The following HACE1 variants were observed in gnomAD, a reference collection of about 807,000 sequenced individuals.
The protein encoded by HACE1 is HECT domain and ankyrin repeat containing E3 ubiquitin protein ligase 1.
In HACE1, 73 loss-of-function variants were observed where a neutral mutation model predicts 118.4. The ratio of observed to expected loss-of-function variants is 0.62; its 90% CI spans 0.51 to 0.75. The LOEUF (loss-of-function observed/expected upper bound fraction) is 0.75. Ranked by LOEUF, HACE1 falls within the 30% of genes least tolerant of loss-of-function variation. HACE1 has a pLI of 0.00. For synonymous variants in HACE1, 368 were observed against 374.8 expected, an observed-to-expected ratio of 0.98 and a Z score of 0.21; for missense variants, 749 against 1,102.2, an observed-to-expected ratio of 0.68 and a Z score of 4.54.
chr6:104,816,884 CACGGAGTCA>C (rs565183521), intron 6 of HACE1, among the ~76,000 whole-genome samples: 2 of 152,316 alleles, frequency 1.3e-5, no homozygotes, highest in East Asian at 3.9e-4. Flanking sequence ...GGATATGAGA[CACGGAGTCA>C]ACGGAAATTA....
chr6:104,806,874 T>C (rs1341964316), intron 7 of HACE1, among the ~76,000 whole-genome samples: 1 of 152,166 alleles, frequency 6.6e-6, no homozygotes, highest in African/African-American at 2.4e-5. Context: ...CTTTGGACTC[T>C]TTCATCCTTA....
chr6:104,769,475 C>T (rs1264026600), intron 19 of HACE1, among the ~76,000 whole-genome samples: 1 of 152,028 alleles, frequency 6.6e-6, no homozygotes, highest in African/African-American at 2.4e-5. Context: ...TGAGGGTAGG[C>T]CTCCAGTGTA....
intron 14 of HACE1, among the ~76,000 whole-genome samples, chr6:104,779,126 G>A (rs1465019705): frequency 6.6e-6 from 1 of 152,166 alleles, no homozygotes; most frequent in Non-Finnish European, 1.5e-5. Context: ...AGAAGTTTAT[G>A]ATCACAAGTC....
chr6:104,791,292 A>T (rs1028548724), intron 11 of HACE1, among the ~76,000 whole-genome samples: 3 of 152,222 alleles, frequency 2.0e-5, no homozygotes, highest in African/African-American at 7.2e-5. Context: ...TGGAATAAAA[A>T]ATTTTATTTG....
chr6:104,823,774 T>C (rs1582652801), intron 6 of HACE1, among the ~76,000 whole-genome samples: 1 of 148,928 alleles, frequency 6.7e-6, no homozygotes, highest in South Asian at 2.1e-4. Context: ...AAAAAAAAGA[T>C]GTTTGCTGGC....
intron 22 of HACE1, among the ~76,000 whole-genome samples, chr6:104,732,710 C>A (rs1391946810): frequency 6.6e-6 from 1 of 152,094 alleles, no homozygotes; most frequent in Non-Finnish European, 1.5e-5. Context: ...TGCATTTACA[C>A]ACACACACAA....
chr6:104,741,714 T>C (rs534744106), intron 22 of HACE1, among the ~76,000 whole-genome samples: 1 of 149,598 alleles, frequency 6.7e-6, no homozygotes, highest in South Asian at 2.2e-4. Flanking sequence ...AGAATCATTA[T>C]CGTGAAAATG....
At chr6:104,830,813 C>T (rs138376240) in intron 6 of HACE1, among the ~76,000 whole-genome samples, 1,505 of 136,968 alleles carry the variant, frequency 0.011, 9 homozygotes, top group Non-Finnish European at 0.015. Context: ...CTAGCATGAT[C>T]CCACAAACAG....
In HACE1 at chr6:104,785,290, A is replaced by G; in HGVS notation, c.1104T>C (p.Asp368=). 1.2e-6 allele frequency: 2 copies of G among 1,610,472 alleles called. No individual in the cohort carries two copies. The highest frequency in any genetic ancestry group is 1.7e-6 in the Non-Finnish European group (2 of 1,176,924). Residue 368 remains aspartate, a synonymous_variant, in exon 12 of 24, where the codon GAT becomes GAC. Coordinates refer to ENST00000262903, the MANE Select transcript of HACE1 (RefSeq NM_020771.4). ...CTGTGGCTATTAAAACTAGCCATTC[A>G]TCTAACGAGTGCCAAAGCAATTCCA... ...KPLELLWHSL[D]EWLVLIATEL... is the part of the protein sequence containing the mutation.
intron 20 of HACE1, among the ~76,000 whole-genome samples, chr6:104,745,767 T>C (rs986712976): frequency 1.2e-4 from 19 of 152,070 alleles, no homozygotes; most frequent in Non-Finnish European, 2.2e-4. Context: ...GGGATGTAGA[T>C]GCCCTGTGAT....
chr6:104,742,122 A>G (rs984170756), intron 22 of HACE1, among the ~76,000 whole-genome samples: 3 of 134,108 alleles, frequency 2.2e-5, no homozygotes. Flanking sequence ...AGAAAGCTGA[A>G]ACTGGATCTC....
In HACE1 at chr6:104,733,005, C is replaced by A. The variant is rs550083114; in HGVS notation, c.2514-2589G>T. Among the ~76,000 whole-genome samples, 6 of 152,204 alleles carry A rather than the reference C, an allele frequency of 3.9e-5. No homozygotes were observed. In the East Asian group the frequency reaches 1.2e-3, roughly 29 times the overall value. ...ATATATACAGAAGACCTGGCTATAT[C>A]TCCTTGTAAGTTGAAATAAAATTCA... On this transcript the variant is annotated intron_variant, in intron 22 of 23. Transcript: ENST00000262903.
intron 19 of HACE1, among the ~76,000 whole-genome samples, chr6:104,767,497 TTC>T (rs1341727518): frequency 6.6e-6 from 1 of 152,214 alleles, no homozygotes; most frequent in African/African-American, 2.4e-5. Context: ...CAACCCATTT[TTC>T]ACACTCCAAG....
intron 19 of HACE1, among the ~76,000 whole-genome samples, chr6:104,761,538 A>C (rs1363526060): frequency 1.3e-5 from 2 of 152,248 alleles, no homozygotes; most frequent in Non-Finnish European, 2.9e-5. Context: ...ACTTTATACA[A>C]AAATCAACTC....
chr6:104,840,929 C>A (rs916838243), intron 5 of HACE1, among the ~76,000 whole-genome samples: 2 of 152,174 alleles, frequency 1.3e-5, no homozygotes, highest in Non-Finnish European at 2.9e-5. Flanking sequence ...CACCATTGCA[C>A]TCCAGCCTGG....
At position 104,802,235 on chromosome 6, in the gene HACE1, C is replaced by A. The variant is rs553627112; in HGVS notation, c.618-5210G>T. The stretch of plus-strand genomic sequence containing the variant: ...CATAAAGCAAGTCCTTAGAGACATA[C>A]AAAGAGACTTAGACTCCCACACAAT... On this transcript the variant is annotated intron_variant, in intron 7 of 23. Coordinates refer to ENST00000262903, the MANE Select transcript of HACE1 (RefSeq NM_020771.4). Among the ~76,000 whole-genome samples the A allele has an allele frequency of 2.6e-4, 40 of 152,238 alleles. 1 individual carries two copies. In the South Asian group the frequency reaches 8.3e-3, roughly 32 times the overall value.
At chr6:104,848,239 T>G (rs1775853280) in intron 4 of HACE1, among the ~76,000 whole-genome samples, 1 of 151,176 alleles carries the variant, frequency 6.6e-6, no homozygotes, top group African/African-American at 2.4e-5. Context: ...GCGGATCACC[T>G]GAGGTCAGGA....
At position 104,777,003 on chromosome 6, in the gene HACE1, T is replaced by G; in HGVS notation, c.1776+10A>C. 1 of 1,559,182 alleles carries G rather than the reference T, an allele frequency of 6.4e-7. No homozygotes were observed. The highest frequency in any genetic ancestry group is 1.4e-5 in the African/African-American group (1 of 73,996). ...ACAGTGATTTCTACATCATCTTCTT[T>G]TATACCCACCATGCCTTCTTCTCCA... On this transcript the variant is annotated intron_variant, in intron 16 of 23. Coordinates refer to ENST00000262903, the MANE Select transcript of HACE1 (RefSeq NM_020771.4).
At chr6:104,830,474 A>G (rs1773745004) in intron 6 of HACE1, among the ~76,000 whole-genome samples, 1 of 152,188 alleles carries the variant, frequency 6.6e-6, no homozygotes, top group Admixed American at 6.5e-5. Flanking sequence ...TTTTTCCAAC[A>G]CCATATTAAA....
Sources: allele counts gnomAD v4.1 joint callset (sites outside exome capture counted in the v4.1 genomes callset), GRCh38; gene constraint gnomAD v4.1.1; transcripts MANE v1.5; gene names NCBI Gene and HGNC (gene_info 2026-07-23, HGNC 2026-07-21).